Variants in COL6A6 observed in about 807,000 individuals in gnomAD.
COL6A6 encodes the protein collagen type VI alpha 6 chain, also known as collagen alpha-6(VI) chain.
In COL6A6, 183 loss-of-function variants were observed where a neutral mutation model predicts 208.6. The observed-to-expected ratio is 0.88, with a 90% CI of 0.78 to 0.99. The LOEUF is 0.99. COL6A6 is among the 50% of genes least tolerant of loss of function. COL6A6 has a pLI of 0.00. For missense variants in COL6A6, 2,816 were observed against 2,815.2 expected (o/e 1.00, Z -0.01); for synonymous variants, 973 against 1,011.8 (o/e 0.96, Z 0.73).
At chr3:130,636,344 G>A (rs960663275) in intron 28 of COL6A6, among the ~76,000 whole-genome samples, 1 of 152,192 alleles carries the variant, frequency 6.6e-6, no homozygotes, top group African/African-American at 2.4e-5. Flanking sequence ...AATTCATCCT[G>A]TAGGCTTGCC....
intron 32 of COL6A6, among the ~76,000 whole-genome samples, chr3:130,647,435 T>C (rs1210507352): frequency 1.3e-5 from 2 of 152,264 alleles, no homozygotes; most frequent in Non-Finnish European, 2.9e-5. Flanking sequence ...ATCACTTTCA[T>C]GTTTAGTTCT....
intron 28 of COL6A6, among the ~76,000 whole-genome samples, 192 bp downstream of exon 28, chr3:130,635,953 T>G (rs79970157): frequency 0.027 from 4,089 of 152,350 alleles, 179 homozygotes; most frequent in African/African-American, 0.093. Context: ...ATGAACTGTT[T>G]GCTTTTAGTG....
At chr3:130,538,623 T>A (rs1023231595) in intron 1 of COL6A6, among the ~76,000 whole-genome samples, 2 of 152,232 alleles carry the variant, frequency 1.3e-5, no homozygotes, top group African/African-American at 4.8e-5. Context: ...ATTAAATTAC[T>A]TGCCTAGTCA....
intron 24 of COL6A6, among the ~76,000 whole-genome samples, chr3:130,622,110 T>A (rs553959422): frequency 1.3e-5 from 2 of 152,200 alleles, no homozygotes; most frequent in South Asian, 4.2e-4. Flanking sequence ...GGATACACCC[T>A]ATTGGAGCTG....
chr3:130,581,107 C>T (rs557149228), intron 8 of COL6A6, among the ~76,000 whole-genome samples: 1 of 151,412 alleles, frequency 6.6e-6, no homozygotes, highest in South Asian at 2.1e-4. Flanking sequence ...TTAGATGAGT[C>T]CTTTGTGATT....
At chr3:130,545,535 C>G (rs1444977454) in intron 1 of COL6A6, among the ~76,000 whole-genome samples, 2 of 151,128 alleles carry the variant, frequency 1.3e-5, no homozygotes, top group African/African-American at 4.9e-5. Flanking sequence ...CTCACTGCAA[C>G]CTCCGCCTCC....
intron 15 of COL6A6, 101 bp from the exon 16 acceptor site, chr3:130,592,960 G>A (rs2063755588): frequency 5.5e-6 from 6 of 1,084,272 alleles, no homozygotes; most frequent in Non-Finnish European, 8.3e-6. Context: ...GCCTCACAAG[G>A]AGGCTGTATG....
chr3:130,649,755 T>C (rs2065580310), intron 33 of COL6A6, among the ~76,000 whole-genome samples, 193 bp downstream of exon 33: 2 of 145,344 alleles, frequency 1.4e-5, no homozygotes, highest in Non-Finnish European at 3.0e-5. Flanking sequence ...AATGGGATAA[T>C]GTCTATTATT....
chr3:130,656,917 G>A (rs2065805782), intron 33 of COL6A6, among the ~76,000 whole-genome samples: 1 of 152,274 alleles, frequency 6.6e-6, no homozygotes, highest in Non-Finnish European at 1.5e-5. Context: ...ATCAGAGCAG[G>A]TGCTGGAGCA....
At position 130,649,578 on chromosome 3, in the gene COL6A6, C is replaced by G; in HGVS notation, c.5733+16C>G. 1.3e-6 allele frequency: 2 copies of G among 1,548,110 alleles called. No homozygotes were observed. Among genetic ancestry groups the G allele is most frequent in the Non-Finnish European group, 1.7e-6 (2 of 1,147,050 alleles). On this transcript the variant is annotated intron_variant, in intron 33 of 36. Coordinates refer to ENST00000358511, the MANE Select transcript of COL6A6 (RefSeq NM_001102608.3). ...CGCATTTGCGGTATGAGGATGAAACCTTTCACATGACAATTCTTACTTATC... is the reference window on the plus strand; with the variant it reads ...CGCATTTGCGGTATGAGGATGAAACGTTTCACATGACAATTCTTACTTATC...
At chr3:130,656,209 C>T (rs963795490) in intron 33 of COL6A6, among the ~76,000 whole-genome samples, 3 of 152,244 alleles carry the variant, frequency 2.0e-5, no homozygotes, top group Non-Finnish European at 4.4e-5. Flanking sequence ...TGTTTCAGCC[C>T]TGTGTGTGTT....
rs1233830676 is a variant in COL6A6 at position 130,628,747 on chromosome 3, TAG to T, written c.4992+1379_4992+1380del. Among the ~76,000 whole-genome samples the T allele has an allele frequency of 3.8e-4, 25 of 65,378 alleles. 2 individuals carry two copies. The South Asian group carries it at 7.6e-3, about 20-fold the overall frequency. 42.9% of individuals were successfully genotyped at this position (65,378 alleles called of 152,430 possible). ...TAAGATCGTGTCGAAGATGGCCGAA[TAG>T]GAACAGCTCCGGTCTACAGCTCCCT... On this transcript the variant is annotated intron_variant, in intron 26 of 36. Transcript: ENST00000358511.
Position 130,662,234 on chromosome 3 carries a change from A to C in COL6A6, c.6428A>C (p.Gln2143Pro). Residue 2143 changes from glutamine to proline, a missense_variant, in exon 35 of 37, where the codon CAG becomes CCG. Transcript: ENST00000358511. Reference sequence around the variant, plus strand: ...CACCCTTTGGATCACCACCTGGTCCAGCTTGGCCGAATTCATAAACCTGAC... The same window carrying C: ...CACCCTTTGGATCACCACCTGGTCCCGCTTGGCCGAATTCATAAACCTGAC... ...ASHPLDHHLV[Q>P]LGRIHKPDHS... 1 of 1,614,046 alleles carries C rather than the reference A, an allele frequency of 6.2e-7. No homozygotes were observed. Among genetic ancestry groups the C allele is most frequent in the Non-Finnish European group, 8.5e-7 (1 of 1,179,884 alleles).
intron 17 of COL6A6, among the ~76,000 whole-genome samples, chr3:130,593,888 G>C (rs2063782667): frequency 6.6e-6 from 1 of 152,094 alleles, no homozygotes; most frequent in Non-Finnish European, 1.5e-5. Flanking sequence ...ACCAACAGCA[G>C]CCATATTTTC....
At chr3:130,592,051 G>C (rs530188310) in intron 13 of COL6A6, among the ~76,000 whole-genome samples, 1 of 152,288 alleles carries the variant, frequency 6.6e-6, no homozygotes, top group South Asian at 2.1e-4. Context: ...TCAGGTTATT[G>C]GGAGTCTTGA....
intron 2 of COL6A6, among the ~76,000 whole-genome samples, chr3:130,561,453 G>A (rs911529559): frequency 2.0e-5 from 3 of 152,102 alleles, no homozygotes; most frequent in African/African-American, 4.8e-5. Flanking sequence ...ATTATGCCTC[G>A]ATCAGATGGC....
chr3:130,611,394 A>G (rs1333650835), intron 23 of COL6A6, among the ~76,000 whole-genome samples: 1 of 152,190 alleles, frequency 6.6e-6, no homozygotes, highest in East Asian at 1.9e-4. Context: ...TTTTAATAGA[A>G]CGGCCCTACA....
chr3:130,581,634 G>A lies in COL6A6; in HGVS notation c.3621G>A (p.Gln1207=), dbSNP rs1311753487. The A allele has an allele frequency of 1.2e-6, 2 of 1,613,970 alleles. No homozygotes were observed. The highest frequency in any genetic ancestry group is 1.1e-5 in the South Asian group (1 of 91,074). ...AAGGGCAGACTTTGCTTGAAGGTCA[G>A]CCTTGGATGGAAACCTACCTTCAAG... ...QEKGQTLLEG[Q]PWMETYLQDI... is the part of the protein sequence containing the mutation. The change falls in exon 9 of 37, where the codon CAG becomes CAA. Residue 1207 remains glutamine, a synonymous_variant. Coordinates refer to ENST00000358511, the MANE Select transcript of COL6A6 (RefSeq NM_001102608.3).
upstream of COL6A6, among the ~76,000 whole-genome samples, chr3:130,516,891 G>T (rs1431960296): frequency 1.3e-5 from 2 of 152,176 alleles, no homozygotes; most frequent in Non-Finnish European, 2.9e-5. Context: ...GGATCTGCAC[G>T]CCCTGCCTAT....
Sources: gnomAD v4.1 joint callset for allele counts (sites outside exome capture counted in the v4.1 genomes callset) on GRCh38, gnomAD v4.1.1 for gene constraint, MANE v1.5 for transcripts, NCBI Gene and HGNC (gene_info 2026-07-23, HGNC 2026-07-21) for gene names.